ITPR1: variants seen among roughly 807,000 people sequenced by gnomAD.
ITPR1 encodes inositol 1,4,5-trisphosphate-gated calcium channel ITPR1.
Under a neutral mutation model 318.4 loss-of-function variants are expected in ITPR1, and 96 were observed. The ratio of observed to expected loss-of-function variants is 0.30; its 90% CI spans 0.26 to 0.36. The LOEUF is 0.36. ITPR1 is among the 10% of genes least tolerant of loss of function. ITPR1 has a pLI of 1.00. For synonymous variants in ITPR1, 1,312 were observed against 1,289.9 expected (o/e 1.02, Z -0.37); for missense variants, 2,440 against 3,460.2 (o/e 0.71, Z 7.40).
intron 25 of ITPR1, among the ~76,000 whole-genome samples, chr3:4,680,974 A>G (rs2125228224): frequency 6.6e-6 from 1 of 152,264 alleles, no homozygotes; most frequent in East Asian, 1.9e-4. Context: ...AAAAATACCA[A>G]AATAAAAACA....
chr3:4,831,151 A>ACACACACACACACT (rs1463536446), intron 60 of ITPR1: 22 of 383,838 alleles, frequency 5.7e-5, no homozygotes, highest in African/African-American at 3.8e-4. Context: ...ACACACACAC[A>ACACACACACACACT]CACTCACTCC....
At chr3:4,521,392 T>C (rs1463147835) in intron 4 of ITPR1, among the ~76,000 whole-genome samples, 1 of 152,216 alleles carries the variant, frequency 6.6e-6, no homozygotes, top group East Asian at 1.9e-4. Flanking sequence ...ATAGTATTTA[T>C]GGATCCAGTC....
At chr3:4,517,591 A>T (rs2082262114) in intron 3 of ITPR1, among the ~76,000 whole-genome samples, 1 of 152,208 alleles carries the variant, frequency 6.6e-6, no homozygotes, top group Non-Finnish European at 1.5e-5. Flanking sequence ...GCTCAATTAG[A>T]CTTGTGCTCC....
At chr3:4,733,643 CT>C (rs756659275) in intron 43 of ITPR1, among the ~76,000 whole-genome samples, 4 of 152,264 alleles carry the variant, frequency 2.6e-5, no homozygotes, top group Non-Finnish European at 5.9e-5. Context: ...GCATTGCATT[CT>C]TTGTCTCATT....
chr3:4,522,590 G>C (rs1339441779), intron 4 of ITPR1, among the ~76,000 whole-genome samples: 2 of 152,202 alleles, frequency 1.3e-5, no homozygotes, highest in African/African-American at 4.8e-5. Context: ...ACCCAAGGCG[G>C]CTACTGCCTC....
At chr3:4,497,682 A>G (rs2124864363) in intron 2 of ITPR1, among the ~76,000 whole-genome samples, 1 of 152,306 alleles carries the variant, frequency 6.6e-6, no homozygotes, top group East Asian at 1.9e-4. Flanking sequence ...TAAAATTACT[A>G]TATGTCCCAG....
intron 4 of ITPR1, among the ~76,000 whole-genome samples, chr3:4,525,943 C>T: frequency 6.6e-6 from 1 of 152,164 alleles, no homozygotes; most frequent in Non-Finnish European, 1.5e-5. Context: ...AATCTCTGCT[C>T]TTTTTAAATA....
At chr3:4,518,890 C>A (rs1413893284) in intron 3 of ITPR1, among the ~76,000 whole-genome samples, 3 of 152,132 alleles carry the variant, frequency 2.0e-5, no homozygotes, top group African/African-American at 7.2e-5. Context: ...TAAGACCAGC[C>A]TGGGCAATAT....
chr3:4,681,448 G>A (rs1216083962), intron 26 of ITPR1, 30 bp downstream of exon 26: 3 of 1,513,594 alleles, frequency 2.0e-6, no homozygotes, highest in Non-Finnish European at 2.8e-6. Flanking sequence ...CTGTTTTGTA[G>A]GGAAGGCTGC....
At chr3:4,660,239 C>T (rs1019794285) in intron 13 of ITPR1, among the ~76,000 whole-genome samples, 23 of 152,250 alleles carry the variant, frequency 1.5e-4, no homozygotes, top group African/African-American at 5.1e-4. Context: ...ATCTATACTT[C>T]CATGTTTCTT....
chr3:4,736,302 C>T (rs539479244), intron 44 of ITPR1, among the ~76,000 whole-genome samples: 13 of 152,314 alleles, frequency 8.5e-5, no homozygotes, highest in African/African-American at 2.2e-4. Flanking sequence ...AACTGAAATT[C>T]GGAGTCTCGG....
intron 4 of ITPR1, among the ~76,000 whole-genome samples, chr3:4,609,003 A>T (rs2091893618): frequency 1.2e-5 from 1 of 81,684 alleles, no homozygotes; most frequent in African/African-American, 8.4e-5. Context: ...TCCGTCTTTA[A>T]AAAAAAAAAA....
At chr3:4,772,440 C>G (rs1313901175) in intron 46 of ITPR1, among the ~76,000 whole-genome samples, 1 of 152,258 alleles carries the variant, frequency 6.6e-6, no homozygotes, top group African/African-American at 2.4e-5. Context: ...GCCAAACAGG[C>G]AGTTGCTGCC....
chr3:4,748,272 G>C lies in ITPR1; in HGVS notation c.5544+12918G>C, dbSNP rs543218360. ...GAGTACAATGTGAGGGAGCTATTCA[G>C]TGCCCTGTACCCACTTTGGAGCTCT... On this transcript the variant is annotated intron_variant, in intron 44 of 61. Coordinates refer to ENST00000649015, the MANE Select transcript of ITPR1 (RefSeq NM_001378452.1). Among the ~76,000 whole-genome samples the C allele has an allele frequency of 3.3e-5, 5 of 152,328 alleles. No homozygotes were observed. In the South Asian group the frequency reaches 1.0e-3, roughly 32 times the overall value.
At chr3:4,556,979 A>G (rs1229289451) in intron 4 of ITPR1, among the ~76,000 whole-genome samples, 1 of 152,166 alleles carries the variant, frequency 6.6e-6, no homozygotes, top group Non-Finnish European at 1.5e-5. Context: ...AGTCCTCACA[A>G]CACCTAGTCA....
chr3:4,702,346 G>C (rs185188639), intron 35 of ITPR1, among the ~76,000 whole-genome samples: 1 of 152,186 alleles, frequency 6.6e-6, no homozygotes, highest in Non-Finnish European at 1.5e-5. Context: ...TGAGATCCAC[G>C]TATCAGTTTG....
chr3:4,653,415 T>G (rs1161727700), intron 11 of ITPR1, among the ~76,000 whole-genome samples: 1 of 152,226 alleles, frequency 6.6e-6, no homozygotes, highest in Non-Finnish European at 1.5e-5. Flanking sequence ...GCTAATCAGC[T>G]GTGAGAGATG....
At chr3:4,717,961 C>A (rs1405163125) in intron 40 of ITPR1, among the ~76,000 whole-genome samples, 1 of 152,172 alleles carries the variant, frequency 6.6e-6, no homozygotes, top group Non-Finnish European at 1.5e-5. Flanking sequence ...TAGAAATGTC[C>A]TGTATCCATG....
intron 25 of ITPR1, 48 bp downstream of exon 25, chr3:4,680,739 T>C: frequency 6.5e-7 from 1 of 1,533,116 alleles, no homozygotes; most frequent in Non-Finnish European, 8.8e-7. Context: ...GACCTGGCTC[T>C]AAGGAAAATG....
Sources: gnomAD v4.1 joint callset for allele counts (sites outside exome capture counted in the v4.1 genomes callset) on GRCh38, gnomAD v4.1.1 for gene constraint, MANE v1.5 for transcripts, NCBI Gene and HGNC (gene_info 2026-07-23, HGNC 2026-07-21) for gene names.